The following AGTPBP1 variants were observed in gnomAD, a reference collection of about 807,000 sequenced individuals.
AGTPBP1 encodes ATP/GTP binding carboxypeptidase 1, also known as cytosolic carboxypeptidase 1.
Under a neutral mutation model 143.9 loss-of-function variants are expected in AGTPBP1, and 70 were observed. The observed-to-expected ratio is 0.49, with a 90% CI of 0.40 to 0.59. AGTPBP1 has a LOEUF of 0.59. Ranked by LOEUF, AGTPBP1 falls within the 20% of genes least tolerant of loss-of-function variation. AGTPBP1 has a pLI of 0.00. For synonymous variants in AGTPBP1, 463 were observed against 500.2 expected (o/e 0.93, Z 0.99); for missense variants, 1,229 against 1,464.5 (o/e 0.84, Z 2.62).
chr9:85,718,120 A>G (rs1587969257), intron 1 of AGTPBP1, among the ~76,000 whole-genome samples: 1 of 152,182 alleles, frequency 6.6e-6, no homozygotes, highest in Non-Finnish European at 1.5e-5. Flanking sequence ...GCTATTGTGA[A>G]TGGTGCCATA....
chr9:85,677,030 G>A (rs1834870557), intron 6 of AGTPBP1, among the ~76,000 whole-genome samples: 1 of 152,178 alleles, frequency 6.6e-6, no homozygotes, highest in Admixed American at 6.5e-5. Context: ...TCAGAGGCTA[G>A]CAAGGGTAAT....
chr9:85,679,744 A>G (rs1461980640), intron 4 of AGTPBP1, among the ~76,000 whole-genome samples: 1 of 152,232 alleles, frequency 6.6e-6, no homozygotes, highest in Admixed American at 6.5e-5. Context: ...CAAAGAAATT[A>G]TGTAAGCCAA....
chr9:85,649,999 T>C (rs1266539268), intron 11 of AGTPBP1, among the ~76,000 whole-genome samples: 3 of 151,608 alleles, frequency 2.0e-5, no homozygotes, highest in Non-Finnish European at 4.4e-5. Flanking sequence ...AGATTAATCT[T>C]ACCAGATTGT....
At chr9:85,724,453 ACAAT>A (rs1211297116) in intron 1 of AGTPBP1, among the ~76,000 whole-genome samples, 16 of 152,198 alleles carry the variant, frequency 1.1e-4, no homozygotes, top group African/African-American at 1.9e-4. Flanking sequence ...TTTTGAGAGA[ACAAT>A]CAGTTTATTT....
rs770579988 is a variant in AGTPBP1, at chr9:85,586,786, T to C, written c.3033+45A>G. The stretch of plus-strand genomic sequence containing the variant: ...AAGTGCTTGATAATTAAAAATGATA[T>C]TTTATCTTTGACTATCCCAAGTAAA... On this transcript the variant is annotated intron_variant, in intron 22 of 25. Transcript: ENST00000357081. 4 of 1,584,258 alleles carry C rather than the reference T, an allele frequency of 2.5e-6. No individual in the cohort carries two copies. In the South Asian group the frequency reaches 4.5e-5, roughly 18 times the overall value.
rs555447428 is a variant in AGTPBP1, at chr9:85,625,668, G to A, written c.2016-4383C>T. ...TGGGAGGCTGAGGTGGGCAGAACACGATGGCAGGAGATCGAGACCATCCTG... is the reference window on the plus strand; with the variant it reads ...TGGGAGGCTGAGGTGGGCAGAACACAATGGCAGGAGATCGAGACCATCCTG... On this transcript the variant is annotated intron_variant, in intron 14 of 25. Transcript: ENST00000357081. 5.7e-4 allele frequency among the ~76,000 whole-genome samples: 86 copies of A among 151,774 alleles called. No individual in the cohort carries two copies. The South Asian group carries it at 0.017, about 31-fold the overall frequency.
chr9:85,778,959 C>T, the AGTPBP1 span, among the ~76,000 whole-genome samples: 1 of 152,078 alleles, frequency 6.6e-6, no homozygotes, highest in African/African-American at 2.4e-5. Context: ...TTGCATAATT[C>T]TGTAAACAGT....
chr9:85,719,596 T>C (rs901544256), intron 1 of AGTPBP1, among the ~76,000 whole-genome samples: 1 of 152,230 alleles, frequency 6.6e-6, no homozygotes, highest in Non-Finnish European at 1.5e-5. Flanking sequence ...TACAATCATG[T>C]CATCTGCAAA....
intron 17 of AGTPBP1, among the ~76,000 whole-genome samples, chr9:85,608,752 A>T (rs1002120761): frequency 1.3e-5 from 2 of 152,138 alleles, no homozygotes; most frequent in African/African-American, 4.8e-5. Context: ...AGGGAAAACA[A>T]CACCAAATTT....
intron 8 of AGTPBP1, among the ~76,000 whole-genome samples, chr9:85,666,354 A>G (rs112623216): frequency 9.2e-5 from 14 of 152,278 alleles, no homozygotes; most frequent in African/African-American, 3.4e-4. Flanking sequence ...CTCTTCCTCA[A>G]TCGTCTTCCC....
chr9:85,691,538 T>G (rs79214761), intron 3 of AGTPBP1, among the ~76,000 whole-genome samples: 114 of 117,530 alleles, frequency 9.7e-4, no homozygotes, highest in East Asian at 8.9e-3. Flanking sequence ...AAAAAGAGGG[T>G]GTGTGTGTGT....
chr9:85,703,469 T>C (rs1028725949), intron 2 of AGTPBP1, among the ~76,000 whole-genome samples: 1 of 152,194 alleles, frequency 6.6e-6, no homozygotes, highest in Non-Finnish European at 1.5e-5. Context: ...AGACAAGTGA[T>C]TTACTTTTAG....
chr9:85,760,339 T>C, the AGTPBP1 span, among the ~76,000 whole-genome samples: 1 of 152,146 alleles, frequency 6.6e-6, no homozygotes. Context: ...TAGACCAATA[T>C]CCTTGATGAA....
At chr9:85,701,537 T>C (rs999023966) in intron 2 of AGTPBP1, among the ~76,000 whole-genome samples, 1 of 152,210 alleles carries the variant, frequency 6.6e-6, no homozygotes, top group African/African-American at 2.4e-5. Flanking sequence ...GCCAACTTTT[T>C]ATCTGAACCA....
At chr9:85,627,306 A>G (rs1831363863) in intron 14 of AGTPBP1, among the ~76,000 whole-genome samples, 1 of 152,172 alleles carries the variant, frequency 6.6e-6, no homozygotes, top group Non-Finnish European at 1.5e-5. Context: ...CTTGCTTTTC[A>G]GAGAGCATCC....
At chr9:85,632,093 G>T (rs148841996) in intron 14 of AGTPBP1, among the ~76,000 whole-genome samples, 2,575 of 149,378 alleles carry the variant, frequency 0.017, 37 homozygotes, top group Middle Eastern at 0.038. Context: ...TACATAGTAG[G>T]TATATATATA....
At chr9:85,679,861 TAAA>T (rs1483222629) in intron 4 of AGTPBP1, among the ~76,000 whole-genome samples, 1 of 152,198 alleles carries the variant, frequency 6.6e-6, no homozygotes, top group Admixed American at 6.5e-5. Flanking sequence ...TCTTCATACT[TAAA>T]AAAGCCTTCT....
At chr9:85,799,393 G>T in the AGTPBP1 span, among the ~76,000 whole-genome samples, 2 of 152,124 alleles carry the variant, frequency 1.3e-5, no homozygotes, top group African/African-American at 4.8e-5. Context: ...CTAGATCCTT[G>T]AGGAATTGCG....
intron 1 of AGTPBP1, among the ~76,000 whole-genome samples, chr9:85,738,043 T>C (rs541881732): frequency 2.0e-4 from 30 of 152,344 alleles, no homozygotes; most frequent in Non-Finnish European, 3.1e-4. Flanking sequence ...CTTTTCTCAC[T>C]ACCTTATTTT....
Sources: allele counts gnomAD v4.1 joint callset (sites outside exome capture counted in the v4.1 genomes callset), GRCh38; gene constraint gnomAD v4.1.1; transcripts MANE v1.5; gene names NCBI Gene and HGNC (gene_info 2026-07-23, HGNC 2026-07-21).